Variants in KCNH2 observed in about 807,000 individuals in gnomAD.
KCNH2 encodes the protein voltage-gated inwardly rectifying potassium channel KCNH2.
In KCNH2, 35 loss-of-function variants were observed where a neutral mutation model predicts 95.9. The observed-to-expected ratio is 0.37, with a 90% confidence interval of 0.28 to 0.48. KCNH2 has a LOEUF of 0.48. KCNH2 is among the 20% of genes least tolerant of loss of function. The pLI is 0.99. For synonymous variants in KCNH2, 786 were observed against 754.7 expected, an observed-to-expected ratio of 1.04 and a Z score of -0.68; for missense variants, 1,274 against 1,702.9, an observed-to-expected ratio of 0.75 and a Z score of 4.43.
rs374296728 is a variant in KCNH2, at chr7:150,948,520, G to T, written c.2616C>A (p.Pro872=). Residue 872 remains proline (P), a synonymous_variant, in exon 11 of 15, where the codon CCC becomes CCA. Coordinates refer to ENST00000262186, the MANE Select transcript of KCNH2 (RefSeq NM_000238.4). ...LRDTNMIPGS[P]GSTELEGGFS... is the part of the protein sequence containing the mutation. ...AGCCACCCTCTAACTCCGTACTGCCGGGGGAGCCCGGGATCATGTTGGTCT... is the reference window on the plus strand; with the variant it reads ...AGCCACCCTCTAACTCCGTACTGCCTGGGGAGCCCGGGATCATGTTGGTCT... 6.2e-7 allele frequency: 1 copy of T among 1,600,484 alleles called. No individual in the cohort carries two copies. The highest frequency in any genetic ancestry group is 1.1e-5 in the South Asian group (1 of 90,762).
At chr7:150,949,111 C>G (rs2116942007) in intron 9 of KCNH2, 62 bp from the exon 10 acceptor site, 1 of 1,479,866 alleles carries the variant, frequency 6.8e-7, no homozygotes, top group South Asian at 1.2e-5. Flanking sequence ...GCAGCAGGCA[C>G]CTTCTCCCGG....
chr7:150,970,263 C>T (rs1012546972), intron 2 of KCNH2, among the ~76,000 whole-genome samples: 4 of 139,550 alleles, frequency 2.9e-5, no homozygotes, highest in African/African-American at 1.1e-4. Context: ...CAGTCTCCCC[C>T]CTCACACACC....
intron 2 of KCNH2, 86 bp downstream of exon 2, chr7:150,974,625 A>G (rs1000554815): frequency 6.1e-6 from 1 of 162,624 alleles, no homozygotes; most frequent in African/African-American, 8.8e-5. Context: ...CCACACCCCC[A>G]CACCCCCACG....
At chr7:150,970,991 G>A (rs1301353462) in intron 2 of KCNH2, among the ~76,000 whole-genome samples, 1 of 152,216 alleles carries the variant, frequency 6.6e-6, no homozygotes, top group Non-Finnish European at 1.5e-5. Flanking sequence ...CCAGGGGGCT[G>A]AAAAGAAGCA....
At chr7:150,975,783 C>T (rs769732926) in intron 1 of KCNH2, among the ~76,000 whole-genome samples, 8 of 152,210 alleles carry the variant, frequency 5.3e-5, no homozygotes, top group Non-Finnish European at 1.0e-4. Flanking sequence ...GGCAGAAGCC[C>T]AAGGTCATAG....
intron 5 of KCNH2, among the ~76,000 whole-genome samples, chr7:150,953,090 C>G (rs574278564): frequency 6.6e-6 from 1 of 152,144 alleles, no homozygotes. Flanking sequence ...CAACATTTCC[C>G]GGCAGACGTG....
rs1167664259 is a variant in KCNH2, at chr7:150,962,610, C to G, written c.308-2874G>C. ...AGCACAAGCCTGTAACTCACACTTA[C>G]ACACACACACGAGAGACAGAGAGAG... On this transcript the variant is annotated intron_variant, in intron 2 of 14. Transcript: ENST00000262186. This position sits in a 1 kb window ranked among gnomAD's most constrained non-coding sequence, Gnocchi z 5.7. 1.7e-5 allele frequency among the ~76,000 whole-genome samples: 2 copies of G among 116,872 alleles called. No individual in the cohort carries two copies. Among genetic ancestry groups the G allele is most frequent in the Non-Finnish European group, 3.9e-5 (2 of 51,848 alleles). 76.7% of individuals were successfully genotyped at this position (116,872 alleles called of 152,430 possible).
intron 2 of KCNH2, among the ~76,000 whole-genome samples, chr7:150,967,926 C>T (rs1801746381): frequency 6.6e-6 from 1 of 152,136 alleles, no homozygotes; most frequent in South Asian, 2.1e-4. Flanking sequence ...GCAACTCCTG[C>T]AAATCAACAA....
intron 5 of KCNH2, chr7:150,955,809 C>G: frequency 8.8e-7 from 1 of 1,141,722 alleles, no homozygotes; most frequent in Non-Finnish European, 1.1e-6. Context: ...GCACTCGGAA[C>G]CTCAGCTCCT....
chr7:150,955,711 T>C (rs985368310), intron 5 of KCNH2: 2 of 1,344,392 alleles, frequency 1.5e-6, no homozygotes, highest in Non-Finnish European at 1.9e-6. Context: ...GGCAGCAGCC[T>C]GCCTGGCTCG....
Position 150,952,830 on chromosome 7 carries a change from C to T in KCNH2, c.1152G>A (p.Val384=), listed in dbSNP as rs1355285149. 6.2e-7 allele frequency: 1 copy of T among 1,613,802 alleles called. No individual in the cohort carries two copies. Among genetic ancestry groups the T allele is most frequent in the East Asian group, 2.2e-5 (1 of 44,866 alleles). ...VTQVLSLGAD[V]LPEYKLQAPR... ...GTGCCTGCAGCTTGTACTCAGGCAG[C>T]ACGTCGGCGCCCAGGGACAGGACCT... The change falls in exon 6 of 15, where the codon GTG becomes GTA. Residue 384 remains valine, a synonymous_variant. Transcript: ENST00000262186. This position sits in a 1 kb window ranked among gnomAD's most constrained non-coding sequence, Gnocchi z 7.3.
In KCNH2 at chr7:150,946,781, C is replaced by T. The variant is rs1800905794; in HGVS notation, c.3330+96G>A. On this transcript the variant is annotated intron_variant, in intron 14 of 14. Transcript: ENST00000262186. The surrounding 1 kb of genome is among the most constrained non-coding windows in gnomAD (Gnocchi z 6.5). ...AGGAACAAGGTTCAGGGAGGCTGGGCCACAGAGCCCAGCAGAAAGGCAGCA... is the reference window on the plus strand; with the variant it reads ...AGGAACAAGGTTCAGGGAGGCTGGGTCACAGAGCCCAGCAGAAAGGCAGCA... The T allele has an allele frequency of 1.7e-6, 2 of 1,204,674 alleles. No individual in the cohort carries two copies. Among genetic ancestry groups the T allele is most frequent in the Non-Finnish European group, 2.4e-6 (2 of 847,828 alleles). The allele number at this position is 1,204,674 out of a possible 1,614,324, so 74.6% of individuals were successfully genotyped here. A position where few individuals can be genotyped will look rare whatever the true frequency, so the allele number is the denominator to read the frequency against.
Position 150,951,428 on chromosome 7 carries a change from C to T in KCNH2, c.1945+20G>A, listed in dbSNP as rs1057523089. On this transcript the variant is annotated intron_variant, in intron 7 of 14. Transcript: ENST00000262186. ...CTCCACCGTGGGCTCTCCCCGCCGCCCGCCCCTGGGCACACTCACAGCCAA... is the reference window on the plus strand; with the variant it reads ...CTCCACCGTGGGCTCTCCCCGCCGCTCGCCCCTGGGCACACTCACAGCCAA... 1.2e-6 allele frequency: 2 copies of T among 1,613,464 alleles called. No individual in the cohort carries two copies. Among genetic ancestry groups the T allele is most frequent in the Non-Finnish European group, 1.7e-6 (2 of 1,180,016 alleles).
At position 150,952,299 on chromosome 7, in the gene KCNH2, T is replaced by G; in HGVS notation, c.1557+126A>C. 1.0e-6 allele frequency: 1 copy of G among 1,000,346 alleles called. No individual in the cohort carries two copies. The highest frequency in any genetic ancestry group is 1.4e-6 in the Non-Finnish European group (1 of 700,798). The allele number at this position is 1,000,346 out of a possible 1,614,324, so 62.0% of individuals were successfully genotyped here. Reference sequence around the variant, plus strand: ...TTGCCACCATGTCTCTCTCCCACTGTCTTTCTCTCTTTCTCTCTCTCTCTC... The same window carrying G: ...TTGCCACCATGTCTCTCTCCCACTGGCTTTCTCTCTTTCTCTCTCTCTCTC... On this transcript the variant is annotated intron_variant, in intron 6 of 14. Coordinates refer to ENST00000262186, the MANE Select transcript of KCNH2 (RefSeq NM_000238.4). The surrounding 1 kb of genome is among the most constrained non-coding windows in gnomAD (Gnocchi z 7.3).
At chr7:150,955,627 G>C (rs1432471277) in intron 5 of KCNH2, 2 of 1,429,734 alleles carry the variant, frequency 1.4e-6, no homozygotes, top group Non-Finnish European at 1.8e-6. Flanking sequence ...CTGGCAACCA[G>C]AGCAGCCCCT....
chr7:150,975,071 G>T (rs566068538), intron 1 of KCNH2, 130 bp from the exon 2 acceptor site: 1 of 686,538 alleles, frequency 1.5e-6, no homozygotes, highest in African/African-American at 5.9e-5. Flanking sequence ...GCTGGGACTG[G>T]GGTCCCAGCA....
Position 150,949,999 on chromosome 7 carries a change from C to T in KCNH2, c.2398+169G>A, listed in dbSNP as rs574044844. On this transcript the variant is annotated intron_variant, in intron 9 of 14. Coordinates refer to ENST00000262186, the MANE Select transcript of KCNH2 (RefSeq NM_000238.4). ...AGCAGCCTCACCCCACGTGGGGCTC[C>T]TCTCCATGGCCCCGCTTGGAGGGCC... 1.5e-5 allele frequency: 24 copies of T among 1,559,704 alleles called. No individual in the cohort carries two copies. The South Asian group carries it at 2.4e-4, about 15-fold the overall frequency.
Position 150,958,406 on chromosome 7 carries a change from G to GCGCCCGCGCCGCCCGCGC in KCNH2, c.551_568dup (p.Gly184_Gly189dup), listed in dbSNP as rs551056698. The GCGCCCGCGCCGCCCGCGC allele has an allele frequency of 1.4e-6, 2 of 1,447,576 alleles. No homozygotes were observed. The highest frequency in any genetic ancestry group is 3.0e-5 in the East Asian group (1 of 33,164). 89.7% of individuals were successfully genotyped at this position (1,447,576 alleles called of 1,614,324 possible). On this transcript the variant is annotated inframe_insertion, in exon 4 of 15. Coordinates refer to ENST00000262186, the MANE Select transcript of KCNH2 (RefSeq NM_000238.4). ...CACGTCCACCACCACGGCCCCCGGG[G>GCGCCCGCGCCGCCCGCGC]CGCCCGCGCCGCCCGCGCCGCCCGA...
rs1353489920 is a variant in KCNH2, at chr7:150,977,762, G to GC, written c.76+75dup. ...TTGCCGACGCACACGGCCCGGGCACGCCCCCCCATCCACACTCGGAAGAGC... is the reference window on the plus strand; with the variant it reads ...TTGCCGACGCACACGGCCCGGGCACGCCCCCCCCATCCACACTCGGAAGAGC... On this transcript the variant is annotated intron_variant, in intron 1 of 14. Transcript: ENST00000262186. 4.8e-5 allele frequency: 59 copies of GC among 1,219,348 alleles called. No homozygotes were observed. The African/African-American group carries it at 4.9e-4, about 10-fold the overall frequency. 75.5% of individuals were successfully genotyped at this position (1,219,348 alleles called of 1,614,324 possible).
Sources: gnomAD v4.1 joint callset for allele counts (sites outside exome capture counted in the v4.1 genomes callset) on GRCh38, gnomAD v4.1.1 for gene constraint, Gnocchi (gnomAD v3.1) non-coding constraint, MANE v1.5 for transcripts, NCBI Gene and HGNC (gene_info 2026-07-23, HGNC 2026-07-21) for gene names.